PHACTR1: variants seen among roughly 807,000 people sequenced by gnomAD.
PHACTR1 encodes the protein phosphatase and actin regulator 1, also known as RPEL repeat containing 1.
In PHACTR1, 16 loss-of-function variants were observed where a neutral mutation model predicts 69.2. The ratio of observed to expected loss-of-function variants is 0.23; its 90% CI spans 0.16 to 0.35. The LOEUF is 0.35. Among genes scored for constraint, PHACTR1 ranks in the 10% least tolerant of loss-of-function variants. The probability of loss-of-function intolerance (pLI) is 1.00; values close to 1 mark genes in which losing one functional copy is unlikely to be tolerated. For synonymous variants in PHACTR1, 312 were observed against 284.5 expected (o/e 1.10, Z -0.97); for missense variants, 510 against 734.7 (o/e 0.69, Z 3.54).
chr6:12,865,592 C>T (rs1190906943), intron 4 of PHACTR1, among the ~76,000 whole-genome samples: 8 of 152,136 alleles, frequency 5.3e-5, no homozygotes, highest in East Asian at 3.9e-4. Flanking sequence ...TAGGCAGTGG[C>T]GTGCTCAGTA....
chr6:12,770,945 G>A (rs556371353), intron 4 of PHACTR1, among the ~76,000 whole-genome samples: 14 of 152,320 alleles, frequency 9.2e-5, no homozygotes, highest in Non-Finnish European at 1.9e-4. Flanking sequence ...AAAGGCATGA[G>A]TGCAAATCGC....
At chr6:12,893,000 A>G (rs373063373) in intron 4 of PHACTR1, among the ~76,000 whole-genome samples, 2 of 152,168 alleles carry the variant, frequency 1.3e-5, no homozygotes, top group African/African-American at 4.8e-5. Flanking sequence ...CCAGAGAAGG[A>G]AGAGAGAGAG....
At chr6:13,120,862 G>T (rs1818613880) in intron 5 of PHACTR1, among the ~76,000 whole-genome samples, 1 of 152,234 alleles carries the variant, frequency 6.6e-6, no homozygotes, top group Admixed American at 6.5e-5. Context: ...CAGCATTGCA[G>T]TGTGCGATGC....
chr6:12,717,799 C>T (rs939074181), intron 2 of PHACTR1, 56 bp downstream of exon 2: 8 of 151,976 alleles, frequency 5.3e-5, no homozygotes, highest in East Asian at 1.9e-4. Flanking sequence ...TTTGTCTTAC[C>T]GGACTTGGTT....
intron 4 of PHACTR1, among the ~76,000 whole-genome samples, chr6:12,997,642 C>A (rs1797587832): frequency 6.6e-6 from 1 of 152,138 alleles, no homozygotes; most frequent in South Asian, 2.1e-4. Context: ...AAAATCCTCT[C>A]TTCTAGCTAT....
chr6:13,272,976 T>TA, intron 11 of PHACTR1, 61 bp downstream of exon 11: 3 of 1,602,832 alleles, frequency 1.9e-6, no homozygotes, highest in Non-Finnish European at 1.7e-6. Flanking sequence ...TATTATTTAA[T>TA]GGTAGGCCAC....
intron 4 of PHACTR1, among the ~76,000 whole-genome samples, chr6:12,797,040 T>TGTGTGTGTGTGTGAGAGAGA (rs563796658): frequency 1.0e-4 from 14 of 133,396 alleles, no homozygotes; most frequent in African/African-American, 3.6e-4. Flanking sequence ...TGTGTGTGTG[T>TGTGTGTGTGTGTGAGAGAGA]GAGAGAGAGA....
intron 4 of PHACTR1, among the ~76,000 whole-genome samples, chr6:12,834,546 G>A (rs1415151452): frequency 6.6e-6 from 1 of 152,160 alleles, no homozygotes; most frequent in Non-Finnish European, 1.5e-5. Context: ...TATGCAAAAT[G>A]TGCACCCGTG....
intron 4 of PHACTR1, among the ~76,000 whole-genome samples, chr6:12,920,355 G>C (rs923042808): frequency 6.6e-6 from 1 of 152,172 alleles, no homozygotes; most frequent in African/African-American, 2.4e-5. Flanking sequence ...GGAACATTTC[G>C]TACCGTTAGC....
At chr6:12,865,346 C>T (rs919621375) in intron 4 of PHACTR1, among the ~76,000 whole-genome samples, 2 of 152,164 alleles carry the variant, frequency 1.3e-5, no homozygotes, top group Non-Finnish European at 2.9e-5. Context: ...AGAAAAATAT[C>T]CTTCAATACT....
intron 3 of PHACTR1, among the ~76,000 whole-genome samples, chr6:12,738,175 A>G (rs1158119497): frequency 6.6e-6 from 1 of 152,192 alleles, no homozygotes; most frequent in Non-Finnish European, 1.5e-5. Context: ...GCATTTGTGA[A>G]AAATATAGTT....
At chr6:12,912,453 A>G (rs1786520602) in intron 4 of PHACTR1, among the ~76,000 whole-genome samples, 1 of 152,216 alleles carries the variant, frequency 6.6e-6, no homozygotes, top group Admixed American at 6.5e-5. Context: ...TCCAGTTTTG[A>G]AAAGGTTTTT....
chr6:12,854,289 A>C (rs1230129339), intron 4 of PHACTR1, among the ~76,000 whole-genome samples: 2 of 152,232 alleles, frequency 1.3e-5, no homozygotes, highest in East Asian at 3.8e-4. Flanking sequence ...GTTTCTCCAA[A>C]ATCTGCTTAA....
intron 4 of PHACTR1, among the ~76,000 whole-genome samples, chr6:13,034,238 C>T (rs1276807842): frequency 2.0e-5 from 3 of 152,012 alleles, no homozygotes; most frequent in Non-Finnish European, 4.4e-5. Context: ...AGGATGATCT[C>T]GATCTCCTGA....
intron 5 of PHACTR1, among the ~76,000 whole-genome samples, chr6:13,061,394 G>A (rs1040291234): frequency 2.5e-4 from 38 of 152,286 alleles, no homozygotes; most frequent in African/African-American, 8.9e-4. Flanking sequence ...GGTCCAGGGG[G>A]TTCAGAGGAA....
At chr6:13,280,759 C>T (rs2127476293) in intron 12 of PHACTR1, 2 of 357,280 alleles carry the variant, frequency 5.6e-6, no homozygotes, top group East Asian at 1.5e-4. Context: ...TGGCTCACGC[C>T]TGTAATCCCA....
At chr6:13,053,582 T>TA (rs1806318842) in intron 5 of PHACTR1, 53 bp downstream of exon 5, 1 of 1,566,522 alleles carries the variant, frequency 6.4e-7, no homozygotes. Context: ...CCTTCAACTC[T>TA]ATTATCTTAA....
intron 3 of PHACTR1, among the ~76,000 whole-genome samples, chr6:12,720,274 G>A (rs144656667): frequency 2.6e-5 from 4 of 152,318 alleles, no homozygotes; most frequent in African/African-American, 4.8e-5. Flanking sequence ...ATAATGCTCC[G>A]TAGCGGGGTC....
At chr6:13,189,873 C>A (rs902512032) in intron 7 of PHACTR1, among the ~76,000 whole-genome samples, 2 of 152,076 alleles carry the variant, frequency 1.3e-5, no homozygotes, top group African/African-American at 4.8e-5. Context: ...AAATGTATTT[C>A]TCTTAGTTCT....
Sources: gnomAD v4.1 joint callset for allele counts (sites outside exome capture counted in the v4.1 genomes callset) on GRCh38, gnomAD v4.1.1 for gene constraint, MANE v1.5 for transcripts, NCBI Gene and HGNC (gene_info 2026-07-23, HGNC 2026-07-21) for gene names.